The following DCC variants were observed in gnomAD, a reference collection of about 807,000 sequenced individuals.
DCC encodes netrin receptor DCC.
In DCC, 58 loss-of-function variants were observed where a neutral mutation model predicts 172.5. The ratio of observed to expected loss-of-function variants is 0.34; its 90% CI spans 0.27 to 0.42. DCC has a LOEUF of 0.42. Among genes scored for constraint, DCC ranks in the 10% least tolerant of loss-of-function variants. The pLI is 1.00. For synonymous variants in DCC, 709 were observed against 644.5 expected (o/e 1.10, Z -1.52); for missense variants, 1,740 against 1,791.0 (o/e 0.97, Z 0.51).
intron 12 of DCC, among the ~76,000 whole-genome samples, chr18:53,247,110 G>C (rs140441779): frequency 6.6e-6 from 1 of 152,156 alleles, no homozygotes; most frequent in South Asian, 2.1e-4. Context: ...AGTATCATGA[G>C]CCATGAAACT....
intron 2 of DCC, among the ~76,000 whole-genome samples, chr18:52,883,014 C>A (rs2039509596): frequency 1.3e-5 from 2 of 152,054 alleles, no homozygotes. Context: ...AGACTTGTTT[C>A]TCTCCTGTTA....
At chr18:53,063,542 A>G (rs1411838500) in intron 6 of DCC, 83 bp downstream of exon 6, 2 of 1,225,512 alleles carry the variant, frequency 1.6e-6, no homozygotes, top group East Asian at 2.4e-5. Context: ...CTTGAAAAAA[A>G]AAAAGGTTCC....
chr18:53,171,939 A>C (rs188339287), intron 8 of DCC, among the ~76,000 whole-genome samples: 1 of 152,274 alleles, frequency 6.6e-6, no homozygotes, highest in African/African-American at 2.4e-5. Flanking sequence ...CAGAAATGTA[A>C]ATTTATTATT....
At chr18:52,999,655 C>T (rs1336571215) in intron 5 of DCC, among the ~76,000 whole-genome samples, 1 of 152,048 alleles carries the variant, frequency 6.6e-6, no homozygotes. Context: ...TAAGTATCTT[C>T]CCTTTCAAAA....
intron 2 of DCC, among the ~76,000 whole-genome samples, chr18:52,806,304 A>T (rs980403120): frequency 6.6e-6 from 1 of 152,218 alleles, no homozygotes; most frequent in African/African-American, 2.4e-5. Flanking sequence ...ATTTTTGTTA[A>T]AATAGATGAA....
intron 19 of DCC, among the ~76,000 whole-genome samples, chr18:53,408,734 G>A (rs929239576): frequency 6.6e-6 from 1 of 152,142 alleles, no homozygotes; most frequent in Non-Finnish European, 1.5e-5. Flanking sequence ...TTTATGATCT[G>A]TACCTATCCT....
intron 26 of DCC, among the ~76,000 whole-genome samples, chr18:53,496,694 AGGAAGCTCTAACCCAATGCAC>A (rs1391755797): frequency 6.6e-6 from 1 of 152,234 alleles, no homozygotes; most frequent in Non-Finnish European, 1.5e-5. Context: ...ACCCAATGCA[AGGAAGCTCTAACCCAATGCAC>A]GGAAGTTAAG....
chr18:52,899,447 G>A, intron 2 of DCC, among the ~76,000 whole-genome samples: 1 of 145,034 alleles, frequency 6.9e-6, no homozygotes, highest in South Asian at 2.1e-4. Flanking sequence ...TCCACCTCCT[G>A]GGTTCAAGTG....
chr18:52,675,599 G>A (rs981482088), intron 1 of DCC, among the ~76,000 whole-genome samples: 18 of 152,110 alleles, frequency 1.2e-4, no homozygotes, highest in African/African-American at 4.3e-4. Context: ...CATGGTCCAT[G>A]GTCCCTCATA....
At chr18:52,829,469 A>C (rs914303330) in intron 2 of DCC, among the ~76,000 whole-genome samples, 1 of 152,214 alleles carries the variant, frequency 6.6e-6, no homozygotes, top group Non-Finnish European at 1.5e-5. Context: ...ACATCTGTAA[A>C]TTTGTGAAAT....
At chr18:53,468,309 G>T (rs901514924) in intron 25 of DCC, among the ~76,000 whole-genome samples, 2 of 143,442 alleles carry the variant, frequency 1.4e-5, no homozygotes, top group Admixed American at 7.0e-5. Flanking sequence ...TAATATTATT[G>T]ATCTTATTCT....
At chr18:53,243,910 A>G (rs1262101648) in intron 12 of DCC, among the ~76,000 whole-genome samples, 1 of 152,206 alleles carries the variant, frequency 6.6e-6, no homozygotes, top group Non-Finnish European at 1.5e-5. Flanking sequence ...CAAAAAAGCA[A>G]GCTTATGAAC....
chr18:52,938,797 A>T (rs1194344070), intron 5 of DCC, among the ~76,000 whole-genome samples: 2 of 152,012 alleles, frequency 1.3e-5, no homozygotes, highest in African/African-American at 4.8e-5. Flanking sequence ...TTAAATCCAT[A>T]ACAGTTCAAT....
intron 1 of DCC, among the ~76,000 whole-genome samples, chr18:52,617,422 C>A (rs181617924): frequency 6.6e-6 from 1 of 152,036 alleles, no homozygotes; most frequent in Non-Finnish European, 1.5e-5. Context: ...ATAGGGGCTT[C>A]GTCATCCAGA....
intron 1 of DCC, among the ~76,000 whole-genome samples, chr18:52,404,703 G>T (rs1284129162): frequency 6.7e-6 from 1 of 149,944 alleles, no homozygotes; most frequent in East Asian, 2.0e-4. Context: ...GGGTACATGT[G>T]CACATTGTGC....
intron 1 of DCC, among the ~76,000 whole-genome samples, chr18:52,504,230 C>T (rs986765822): frequency 2.0e-5 from 3 of 152,080 alleles, no homozygotes; most frequent in Admixed American, 2.0e-4. Flanking sequence ...TGGTCTTCCC[C>T]CACCAATAAA....
chr18:53,380,036 C>CAA (rs1405834215), intron 15 of DCC, among the ~76,000 whole-genome samples: 1 of 151,996 alleles, frequency 6.6e-6, no homozygotes, highest in Non-Finnish European at 1.5e-5. Flanking sequence ...TTAGCAAGTA[C>CAA]AAAAAAATAC....
chr18:52,394,052 G>A (rs1358959441), intron 1 of DCC, among the ~76,000 whole-genome samples: 2 of 151,898 alleles, frequency 1.3e-5, no homozygotes, highest in African/African-American at 2.4e-5. Context: ...AATTGTCATC[G>A]GCTAAATCCA....
At chr18:52,972,466 A>G (rs2041045035) in intron 5 of DCC, among the ~76,000 whole-genome samples, 1 of 151,994 alleles carries the variant, frequency 6.6e-6, no homozygotes, top group Non-Finnish European at 1.5e-5. Context: ...CTGTTTTTAA[A>G]ATATTTTTAT....
Sources: gnomAD v4.1 joint callset for allele counts (sites outside exome capture counted in the v4.1 genomes callset) on GRCh38, gnomAD v4.1.1 for gene constraint, MANE v1.5 for transcripts, NCBI Gene and HGNC (gene_info 2026-07-23, HGNC 2026-07-21) for gene names.